Variants in RAD51C observed in about 807,000 individuals in gnomAD.
RAD51C encodes RAD51 paralog C, also known as DNA repair protein RAD51 homolog 3.
Under a neutral mutation model 45.0 loss-of-function variants are expected in RAD51C, and 42 were observed. The ratio of observed to expected loss-of-function variants is 0.93; its 90% CI spans 0.73 to 1.21. The LOEUF (loss-of-function observed/expected upper bound fraction) is 1.21. RAD51C is among the 50% of genes most tolerant of loss of function. The probability of loss-of-function intolerance (pLI) is 0.00; values close to 1 mark genes in which losing one functional copy is unlikely to be tolerated. For synonymous variants in RAD51C, 172 were observed against 159.8 expected (o/e 1.08, Z -0.58); for missense variants, 474 against 452.2 (o/e 1.05, Z -0.44).
chr17:58,704,862 G>C (rs909867163), intron 4 of RAD51C, among the ~76,000 whole-genome samples: 1 of 151,918 alleles, frequency 6.6e-6, no homozygotes, highest in South Asian at 2.1e-4. Context: ...CCAAGATTCT[G>C]CATGGAAAAT....
chr17:58,717,618 C>T (rs1041818133), intron 5 of RAD51C, among the ~76,000 whole-genome samples: 6 of 152,068 alleles, frequency 3.9e-5, no homozygotes, highest in Admixed American at 1.3e-4. Context: ...CACCTGTAAT[C>T]CCAGCTACTC....
chr17:58,703,165 A>G (rs1293956379), intron 3 of RAD51C, 31 bp from the exon 4 acceptor site: 2 of 1,605,408 alleles, frequency 1.2e-6, no homozygotes, highest in African/African-American at 1.3e-5. Flanking sequence ...CCAAACAGGT[A>G]AAACTAATTA....
At chr17:58,707,676 A>T (rs532767155) in intron 4 of RAD51C, among the ~76,000 whole-genome samples, 14 of 152,290 alleles carry the variant, frequency 9.2e-5, no homozygotes, top group Non-Finnish European at 1.9e-4. Context: ...CTCACTACCT[A>T]ACCCACCATA....
At chr17:58,708,919 C>T (rs975574555) in intron 4 of RAD51C, among the ~76,000 whole-genome samples, 4 of 151,568 alleles carry the variant, frequency 2.6e-5, no homozygotes, top group Admixed American at 2.0e-4. Context: ...AAAAAGAACC[C>T]GGAAGGTAAA....
In RAD51C at chr17:58,732,496, G is replaced by C. The variant is rs770652503; in HGVS notation, c.978G>C (p.Leu326Phe). The C allele has an allele frequency of 2.5e-6, 4 of 1,613,116 alleles. No homozygotes were observed. Among genetic ancestry groups the C allele is most frequent in the Non-Finnish European group, 2.5e-6 (3 of 1,179,328 alleles). ...HWDRKQRLATLYKSPSQKECT... is the reference protein window; with the variant it reads ...HWDRKQRLATFYKSPSQKECT... ...TTTCTTTAAGCAGGTTGGCAACATT[G>C]TACAAGTCACCCAGCCAGAAGGAAT... The change falls in exon 8 of 9, where the codon TTG (leucine) becomes TTC (phenylalanine). Residue 326 changes from leucine (L) to phenylalanine (F), a missense_variant. Transcript: ENST00000337432.
intron 3 of RAD51C, among the ~76,000 whole-genome samples, chr17:58,698,661 CG>C (rs1471382317): frequency 2.0e-5 from 3 of 148,450 alleles, no homozygotes; most frequent in Non-Finnish European, 4.5e-5. Flanking sequence ...ATTTATAGGC[CG>C]GGTGCAGTGT....
intron 7 of RAD51C, among the ~76,000 whole-genome samples, chr17:58,726,053 A>T (rs562130009): frequency 6.6e-6 from 1 of 151,420 alleles, no homozygotes; most frequent in East Asian, 1.9e-4. Flanking sequence ...CTGAATATAG[A>T]TAGATTGGGG....
In RAD51C at chr17:58,710,072, G is replaced by T. The variant is rs542414459; in HGVS notation, c.837+82G>T. ...TAATGTCTAGAAATGTCAAAATAGC[G>T]TTTGCCTGACAAATAATATAGACAT... On this transcript the variant is annotated intron_variant, in intron 5 of 8. Transcript: ENST00000337432. The T allele has an allele frequency of 2.7e-6, 4 of 1,466,504 alleles. No homozygotes were observed. In the Admixed American group the frequency reaches 6.8e-5, roughly 25 times the overall value. 90.8% of individuals were successfully genotyped at this position (1,466,504 alleles called of 1,614,324 possible).
At chr17:58,706,185 T>C (rs761450291) in intron 4 of RAD51C, among the ~76,000 whole-genome samples, 26 of 152,010 alleles carry the variant, frequency 1.7e-4, no homozygotes, top group Admixed American at 2.0e-4. Flanking sequence ...TCCCAGCACT[T>C]TGGGAGGCTG....
intron 5 of RAD51C, among the ~76,000 whole-genome samples, chr17:58,717,396 C>T (rs1004714010): frequency 6.6e-6 from 1 of 151,946 alleles, no homozygotes; most frequent in African/African-American, 2.4e-5. Context: ...TGTCATTGCC[C>T]CCCAGCCTGG....
chr17:58,722,544 T>C (rs2048955216), intron 6 of RAD51C, among the ~76,000 whole-genome samples: 3 of 152,200 alleles, frequency 2.0e-5, no homozygotes, highest in South Asian at 4.1e-4. Context: ...ATAACTCCTG[T>C]GTTCTAGACT....
chr17:58,732,433 A>G (rs757570800), intron 7 of RAD51C, 51 bp from the exon 8 acceptor site: 10 of 1,495,016 alleles, frequency 6.7e-6, no homozygotes, highest in African/African-American at 1.4e-5. Flanking sequence ...CTGAACTTTT[A>G]ATTAATTAAG....
intron 8 of RAD51C, chr17:58,732,801 G>A (rs1217995753): frequency 1.8e-5 from 7 of 394,168 alleles, no homozygotes; most frequent in African/African-American, 1.4e-4. Context: ...GTAATGTCAG[G>A]ATATTAAAAA....
intron 7 of RAD51C, among the ~76,000 whole-genome samples, chr17:58,731,210 T>C (rs1182657293): frequency 9.9e-5 from 15 of 152,176 alleles, no homozygotes; most frequent in Non-Finnish European, 2.2e-4. Context: ...CTTCTGGCTA[T>C]TGTGAATAAG....
At chr17:58,707,642 T>G (rs920630658) in intron 4 of RAD51C, among the ~76,000 whole-genome samples, 11 of 152,210 alleles carry the variant, frequency 7.2e-5, no homozygotes, top group African/African-American at 2.4e-4. Context: ...TTTTAGGTAT[T>G]TGTTATAGTA....
At chr17:58,707,169 C>G (rs2048403672) in intron 4 of RAD51C, among the ~76,000 whole-genome samples, 1 of 152,200 alleles carries the variant, frequency 6.6e-6, no homozygotes, top group Non-Finnish European at 1.5e-5. Context: ...CCACTTTATA[C>G]TAAGCACCAG....
intron 5 of RAD51C, among the ~76,000 whole-genome samples, chr17:58,718,948 C>T (rs2048826192): frequency 6.6e-6 from 1 of 152,156 alleles, no homozygotes; most frequent in South Asian, 2.1e-4. Context: ...TCAGGCCAGG[C>T]ACAGTGACAC....
intron 3 of RAD51C, among the ~76,000 whole-genome samples, chr17:58,697,360 AC>A (rs1254799198): frequency 1.3e-5 from 2 of 151,910 alleles, no homozygotes; most frequent in African/African-American, 2.4e-5. Flanking sequence ...ACATGATGAA[AC>A]CCTATCTGTA....
chr17:58,695,274 T>G, intron 2 of RAD51C, 85 bp downstream of exon 2: 1 of 1,494,610 alleles, frequency 6.7e-7, no homozygotes, highest in Non-Finnish European at 8.9e-7. Flanking sequence ...GGAAACCAAA[T>G]AAGATATATA....
Sources: allele counts gnomAD v4.1 joint callset (sites outside exome capture counted in the v4.1 genomes callset), GRCh38; gene constraint gnomAD v4.1.1; transcripts MANE v1.5; gene names NCBI Gene and HGNC (gene_info 2026-07-23, HGNC 2026-07-21).